Variants in NUP58 observed in about 807,000 individuals in gnomAD.
The protein encoded by NUP58 is nucleoporin p58/p45.
In NUP58, 17 loss-of-function variants were observed where a neutral mutation model predicts 70.1. The ratio of observed to expected loss-of-function variants is 0.24; its 90% CI spans 0.17 to 0.36. The LOEUF (loss-of-function observed/expected upper bound fraction) is 0.36, where lower values mean the gene tolerates loss of function less well. Ranked by LOEUF, NUP58 falls within the 10% of genes least tolerant of loss-of-function variation. The pLI is 1.00. For synonymous variants in NUP58, 275 were observed against 257.6 expected (o/e 1.07, Z -0.65); for missense variants, 644 against 701.5 (o/e 0.92, Z 0.93).
intron 3 of NUP58, chr13:25,310,045 C>CT (rs774177020): frequency 1.7e-4 from 68 of 396,504 alleles, no homozygotes; most frequent in East Asian, 5.1e-4. Flanking sequence ...TTCTTTTTTG[C>CT]TTTTTTTTCC....
chr13:25,302,004 C>A, intron 1 of NUP58, 124 bp downstream of exon 1: 1 of 669,644 alleles, frequency 1.5e-6, no homozygotes, highest in Non-Finnish European at 2.5e-6. Context: ...TGGAGAGAAG[C>A]ACTTAATCTA....
chr13:25,313,529 G>GT lies in NUP58; in HGVS notation c.437-80dup, dbSNP rs2030776892. On this transcript the variant is annotated intron_variant, in intron 4 of 15. Transcript: ENST00000381736. ...AGAGCCAATTTTATCATGGATGTCA[G>GT]TTTTTAAAAACATCGTATTTGTATT... The GT allele has an allele frequency of 2.3e-5, 29 of 1,269,462 alleles. No homozygotes were observed. The South Asian group carries it at 6.2e-4, about 27-fold the overall frequency. The allele number at this position is 1,269,462 out of a possible 1,614,324, so 78.6% of individuals were successfully genotyped here.
chr13:25,333,124 TTGTG>T (rs566429989), intron 13 of NUP58: 6 of 981,552 alleles, frequency 6.1e-6, no homozygotes, highest in East Asian at 1.1e-4. Context: ...TGTCAAGGGT[TTGTG>T]TGTGTGTGTG....
intron 5 of NUP58, among the ~76,000 whole-genome samples, chr13:25,314,528 T>G (rs1037873292): frequency 1.3e-5 from 2 of 152,022 alleles, no homozygotes; most frequent in Non-Finnish European, 2.9e-5. Context: ...AAACCGCATC[T>G]CTACTAAAAA....
At chr13:25,324,900 C>T in intron 9 of NUP58, 89 bp from the exon 10 acceptor site, 1 of 844,244 alleles carries the variant, frequency 1.2e-6, no homozygotes, top group Non-Finnish European at 1.9e-6. Context: ...AGTTTCAGTC[C>T]AGAGACTGAA....
chr13:25,312,550 T>C (rs1212124741), intron 3 of NUP58, among the ~76,000 whole-genome samples: 1 of 152,168 alleles, frequency 6.6e-6, no homozygotes, highest in Non-Finnish European at 1.5e-5. Flanking sequence ...GTATTTTAGC[T>C]AGAGGCAGGG....
intron 1 of NUP58, among the ~76,000 whole-genome samples, chr13:25,305,150 T>TG (rs1566055108): frequency 3.1e-5 from 1 of 31,924 alleles, no homozygotes; most frequent in African/African-American, 5.8e-5. Context: ...TTTTTTTTTT[T>TG]TTTTTTTTTT....
At chr13:25,319,482 T>G (rs183400838) in intron 7 of NUP58, 132 bp downstream of exon 7, 3 of 718,166 alleles carry the variant, frequency 4.2e-6, no homozygotes, top group Admixed American at 4.7e-5. Flanking sequence ...ATGGTATTCG[T>G]TAAAAGTAAA....
In NUP58 at chr13:25,301,861, T is replaced by G; in HGVS notation, c.88T>G (p.Phe30Val). 1.2e-6 allele frequency: 2 copies of G among 1,613,028 alleles called. No homozygotes were observed. The highest frequency in any genetic ancestry group is 1.7e-6 in the Non-Finnish European group (2 of 1,179,474). Reference protein sequence around the residue: ...GGTSTGGVFSFGTGASSNPSV... With the variant: ...GGTSTGGVFSVGTGASSNPSV... ...GACCAGCACAGGCGGCGTTTTCTCCTTCGGAACGGGAGCGTCTAGGTAACC... is the reference window on the plus strand; with the variant it reads ...GACCAGCACAGGCGGCGTTTTCTCCGTCGGAACGGGAGCGTCTAGGTAACC... Residue 30 changes from phenylalanine (F) to valine (V), a missense_variant, in exon 1 of 16, where the codon TTC becomes GTC. Phe to Val is a conservative substitution (Grantham distance 50). Around this residue, in one of 4 missense-constraint regions of NUP58, gnomAD observed 430 missense variants for 409.2 expected, o/e 1.05. Transcript: ENST00000381736.
intron 6 of NUP58, 65 bp from the exon 7 acceptor site, chr13:25,319,261 C>T: frequency 2.3e-6 from 3 of 1,297,072 alleles, no homozygotes; most frequent in Admixed American, 3.4e-5. Context: ...TAATTTAAAG[C>T]TTGTATTTGG....
intron 5 of NUP58, among the ~76,000 whole-genome samples, chr13:25,314,056 G>A (rs542287484): frequency 6.6e-6 from 1 of 152,128 alleles, no homozygotes; most frequent in South Asian, 2.1e-4. Context: ...TCAGCCTCCT[G>A]AGTAGCTGGG....
At chr13:25,335,266 AT>A in intron 13 of NUP58, 10 of 985,310 alleles carry the variant, frequency 1.0e-5, no homozygotes, top group Non-Finnish European at 1.2e-5. Flanking sequence ...GAAAAATCTT[AT>A]GTTCTGTTGC....
chr13:25,312,782 C>G, intron 3 of NUP58, 101 bp from the exon 4 acceptor site: 2 of 1,155,812 alleles, frequency 1.7e-6, no homozygotes, highest in Middle Eastern at 4.0e-4. Context: ...AAGGTAGTAT[C>G]ATGAACTTTT....
In NUP58 at chr13:25,309,272, A is replaced by T. The variant is rs746185631; in HGVS notation, c.276A>T (p.Gly92=). The change falls in exon 3 of 16, where the codon GGA becomes GGT. Residue 92 remains glycine (G), a synonymous_variant. Coordinates refer to ENST00000381736, the MANE Select transcript of NUP58 (RefSeq NM_014089.4). ...NTGIATTITT[G]LTLGTPATTS... is the part of the protein sequence containing the mutation. ...GAATAGCAACAACTATAACTACAGG[A>T]TTAACTCTGGGTAAGAATTTTTGAG... 1.9e-6 allele frequency: 3 copies of T among 1,607,056 alleles called. No individual in the cohort carries two copies. Among genetic ancestry groups the T allele is most frequent in the African/African-American group, 2.7e-5 (2 of 74,754 alleles).
At chr13:25,335,975 TAA>T (rs59246269) in intron 13 of NUP58, 41 of 837,260 alleles carry the variant, frequency 4.9e-5, no homozygotes, top group South Asian at 1.9e-4. Flanking sequence ...TGCTTAGTTT[TAA>T]AAAAAAAAAA....
rs141540794 is a variant in NUP58, at chr13:25,311,191, A to G, written c.287-1692A>G. ...ATGAAGTATTTTGGTTTTGGAGCTT[A>G]GAAATCAGAGGTGGAAATGGTGGGC... is the stretch of plus-strand genomic sequence containing the variant. On this transcript the variant is annotated intron_variant, in intron 3 of 15. Transcript: ENST00000381736. Among the ~76,000 whole-genome samples, 734 of 152,278 alleles carry G rather than the reference A, an allele frequency of 4.8e-3. 8 individuals are homozygous for G. Among genetic ancestry groups the G allele is most frequent in the African/African-American group, 0.017 (704 of 41,538 alleles).
Position 25,331,449 on chromosome 13 carries a change from G to T in NUP58, c.1326G>T (p.Trp442Cys), listed in dbSNP as rs779307784. 6.2e-7 allele frequency: 1 copy of T among 1,614,174 alleles called. No individual in the cohort carries two copies. The highest frequency in any genetic ancestry group is 1.1e-5 in the South Asian group (1 of 91,082). Residue 442 changes from tryptophan to cysteine, a missense_variant, in exon 13 of 16, where the codon TGG (tryptophan) becomes TGT (cysteine). Around this residue, in one of 4 missense-constraint regions of NUP58, gnomAD observed 132 missense variants for 203.9 expected, o/e 0.65. Coordinates refer to ENST00000381736, the MANE Select transcript of NUP58 (RefSeq NM_014089.4). ...CAAGGCGAGCAGAAGCCAAGAAGTG[G>T]CAGAACACACCCAGAGTTACTACTG... ...FETRRAEAKK[W>C]QNTPRVTTGP...
chr13:25,302,818 A>G, intron 1 of NUP58: 1 of 385,328 alleles, frequency 2.6e-6, no homozygotes, highest in Non-Finnish European at 5.1e-6. Context: ...TACACAGTCA[A>G]TTCAGAAATT....
chr13:25,343,954 G>C (rs1046428442), downstream of NUP58, among the ~76,000 whole-genome samples: 24 of 151,802 alleles, frequency 1.6e-4, no homozygotes, highest in Non-Finnish European at 3.2e-4. Flanking sequence ...ATAAATTGCT[G>C]AAAAGTCATA....
Sources: gnomAD v4.1 joint callset for allele counts (sites outside exome capture counted in the v4.1 genomes callset) on GRCh38, gnomAD v4.1.1 for gene constraint, gnomAD v4.1.1 regional missense constraint, MANE v1.5 for transcripts, NCBI Gene and HGNC (gene_info 2026-07-23, HGNC 2026-07-21) for gene names.